The following ZNF469 variants were observed in gnomAD, a reference collection of about 807,000 sequenced individuals.
The protein encoded by ZNF469 is zinc finger protein 469.
ZNF469 carries 1 observed loss-of-function variant against 1.0 expected under a neutral mutation model. That is an observed-to-expected ratio of 1.00 (90% CI 0.35 to 4.73). The LOEUF is 4.73. ZNF469 is among the 30% of genes most tolerant of loss of function. The probability of loss-of-function intolerance (pLI) is 0.16; values close to 1 mark genes in which losing one functional copy is unlikely to be tolerated. For synonymous variants in ZNF469, 2,703 were observed against 2,363.4 expected, an observed-to-expected ratio of 1.14 and a Z score of -4.17; for missense variants, 6,100 against 5,356.3, an observed-to-expected ratio of 1.14 and a Z score of -4.33.
chr16:88,390,315 G>T (rs1904452095), intron 1 of ZNF469, among the ~76,000 whole-genome samples: 1 of 152,198 alleles, frequency 6.6e-6, no homozygotes, highest in African/African-American at 2.4e-5. Context: ...CCAACTGGCA[G>T]GGGCCCCATG....
the ZNF469 span, among the ~76,000 whole-genome samples, chr16:88,274,485 T>C: frequency 7.9e-5 from 12 of 152,272 alleles, no homozygotes; most frequent in Admixed American, 7.8e-4. Context: ...CACATGCTTC[T>C]GGTGTGACCG....
the ZNF469 span, among the ~76,000 whole-genome samples, chr16:88,247,274 TGAGTAAATGAGTGAGC>T: frequency 4.0e-5 from 6 of 149,718 alleles, no homozygotes; most frequent in Non-Finnish European, 8.9e-5. Flanking sequence ...AAAGAGTGAG[TGAGTAAATGAGTGAGC>T]GAGTGAATGA....
chr16:88,156,851 C>T, the ZNF469 span, among the ~76,000 whole-genome samples: 1 of 151,974 alleles, frequency 6.6e-6, no homozygotes, highest in Non-Finnish European at 1.5e-5. Flanking sequence ...GCCATGCCAA[C>T]AACAGCCTGG....
chr16:88,365,020 A>G, the ZNF469 span, among the ~76,000 whole-genome samples: 1 of 152,236 alleles, frequency 6.6e-6, no homozygotes, highest in East Asian at 1.9e-4. Context: ...TCATGAGTTT[A>G]TTCCTGGATA....
Position 88,431,369 on chromosome 16 carries a change from G to A in ZNF469, c.3899G>A (p.Ser1300Asn). 1.3e-6 allele frequency: 2 copies of A among 1,549,934 alleles called. No homozygotes were observed. The highest frequency in any genetic ancestry group is 2.0e-5 in the Admixed American group (1 of 51,012). The change falls in exon 3 of 3, where the codon AGC (serine) becomes AAC (asparagine). Residue 1300 changes from serine (S) to asparagine (N), a missense_variant. Physicochemically the swap from Ser to Asn is conservative, Grantham distance 46 (BLOSUM62 1). Transcript: ENST00000565624. ...HGSSPTPGVG[S>N]LLGGPGGTQA... ...AGCTCGCCAACGCCAGGTGTGGGCA[G>A]CCTGCTGGGTGGTCCTGGGGGCACA...
intron 1 of ZNF469, among the ~76,000 whole-genome samples, chr16:88,403,337 C>T (rs745900191): frequency 6.6e-6 from 1 of 152,260 alleles, no homozygotes; most frequent in Admixed American, 6.5e-5. Context: ...ATGTTAAAAT[C>T]CTCTGCGTGG....
the ZNF469 span, among the ~76,000 whole-genome samples, chr16:88,241,036 C>A: frequency 1.3e-5 from 2 of 152,148 alleles, no homozygotes; most frequent in Non-Finnish European, 2.9e-5. The surrounding 1 kb of genome is among the most constrained non-coding windows in gnomAD (Gnocchi z 4.8). Context: ...AGGGCTCTGC[C>A]ATTGTCCCTG....
chr16:88,247,522 GAATGAGTGAGTGAGT>G, the ZNF469 span, among the ~76,000 whole-genome samples: 2 of 151,956 alleles, frequency 1.3e-5, no homozygotes, highest in African/African-American at 2.4e-5. Context: ...GTGAGTGAGT[GAATGAGTGAGTGAGT>G]GAATGAGTGA....
In ZNF469 at chr16:88,437,294, C is replaced by A. The variant is rs1170249728; in HGVS notation, c.9824C>A (p.Ala3275Glu). The A allele has an allele frequency of 1.9e-6, 3 of 1,547,640 alleles. No individual in the cohort carries two copies. The highest frequency in any genetic ancestry group is 2.6e-6 in the Non-Finnish European group (3 of 1,145,452). ...DSPGERAKPRARSTPSNPDGA... is the reference protein window; with the variant it reads ...DSPGERAKPRERSTPSNPDGA... ...CCGGGCGAGAGGGCGAAACCCCGGG[C>A]ACGCAGCACCCCCAGCAACCCAGAC... The change falls in exon 3 of 3, where the codon GCA becomes GAA. Residue 3275 changes from alanine to glutamate, a missense_variant. By Grantham distance (107) the Ala-to-Glu change is moderately radical. Coordinates refer to ENST00000565624, the MANE Select transcript of ZNF469 (RefSeq NM_001367624.2).
In ZNF469 at chr16:88,437,007, G is replaced by A; in HGVS notation, c.9537G>A (p.Met3179Ile). The stretch of plus-strand genomic sequence containing the variant: ...AGGCCGGGCCCTGGGCGTGCGGCAT[G>A]TGCCTGAAGGAGGTGGCCGACGTCT... Reference protein sequence around the residue: ...QSKAGPWACGMCLKEVADVWM... With the variant: ...QSKAGPWACGICLKEVADVWM... The change falls in exon 3 of 3, where the codon ATG becomes ATA. Residue 3179 changes from methionine to isoleucine, a missense_variant. Transcript: ENST00000565624. The A allele has an allele frequency of 6.6e-7, 1 of 1,524,302 alleles. No homozygotes were observed. Among genetic ancestry groups the A allele is most frequent in the Non-Finnish European group, 8.8e-7 (1 of 1,137,990 alleles). The allele number at this position is 1,524,302 out of a possible 1,614,324, so 94.4% of individuals were successfully genotyped here. A position where few individuals can be genotyped will look rare whatever the true frequency, so the allele number is the denominator to read the frequency against.
At position 88,424,046 on chromosome 16, in the gene ZNF469, G is replaced by A. The variant is rs185898397; in HGVS notation, c.-191-761G>A. On this transcript the variant is annotated intron_variant, in intron 1 of 2. Coordinates refer to ENST00000565624, the MANE Select transcript of ZNF469 (RefSeq NM_001367624.2). This position sits in a 1 kb window ranked among gnomAD's most constrained non-coding sequence, Gnocchi z 4.3. ...GGACAATCTCCTTCCAAAGTCAAAC[G>A]CAGGTGCCCTTTGACGCAGCTAGGC... is the stretch of plus-strand genomic sequence containing the variant. Among the ~76,000 whole-genome samples, 209 of 152,348 alleles carry A rather than the reference G, an allele frequency of 1.4e-3. 1 individual carries two copies. Among genetic ancestry groups the A allele is most frequent in the Admixed American group, 6.1e-3 (93 of 15,310 alleles).
At chr16:88,368,488 G>C in the ZNF469 span, among the ~76,000 whole-genome samples, 1 of 152,216 alleles carries the variant, frequency 6.6e-6, no homozygotes. Context: ...GCAGAGCTTG[G>C]TCATTGGCTG....
the ZNF469 span, among the ~76,000 whole-genome samples, chr16:88,125,774 A>G: frequency 4.1e-4 from 62 of 152,350 alleles, no homozygotes; most frequent in African/African-American, 1.4e-3. Context: ...ATTTTTTTGC[A>G]AATGGTATTT....
rs1906626370 is a variant in ZNF469 at position 88,436,943 on chromosome 16, T to C, written c.9473T>C (p.Leu3158Pro). Reference sequence around the variant, plus strand: ...GAGCGCAGGTTTGGCTCGCGGGAGCTGCTGCGGGGGCACCTGCAGGAGAGG... The same window carrying C: ...GAGCGCAGGTTTGGCTCGCGGGAGCCGCTGCGGGGGCACCTGCAGGAGAGG... ...CVERRFGSRE[L>P]LRGHLQERHA... is the part of the protein sequence containing the mutation. Residue 3158 changes from leucine (L) to proline (P), a missense_variant, in exon 3 of 3, where the codon CTG (leucine) becomes CCG (proline). By Grantham distance (98) the Leu-to-Pro change is moderately conservative. Coordinates refer to ENST00000565624, the MANE Select transcript of ZNF469 (RefSeq NM_001367624.2). 7 of 1,492,722 alleles carry C rather than the reference T, an allele frequency of 4.7e-6. No homozygotes were observed. The highest frequency in any genetic ancestry group is 6.2e-6 in the Non-Finnish European group (7 of 1,122,572). 92.5% of individuals were successfully genotyped at this position (1,492,722 alleles called of 1,614,324 possible).
chr16:88,119,982 G>T, the ZNF469 span, among the ~76,000 whole-genome samples: 2 of 152,206 alleles, frequency 1.3e-5, no homozygotes, highest in South Asian at 4.1e-4. Context: ...GCCGCCGTGC[G>T]TGCTGTGAGG....
the ZNF469 span, among the ~76,000 whole-genome samples, chr16:88,153,604 G>A: frequency 8.5e-5 from 13 of 152,104 alleles, no homozygotes; most frequent in Middle Eastern, 3.2e-3. Context: ...CAGCAGGGTC[G>A]CTGACTGTGG....
At chr16:88,347,623 C>T in the ZNF469 span, among the ~76,000 whole-genome samples, 1 of 152,224 alleles carries the variant, frequency 6.6e-6, no homozygotes, top group Non-Finnish European at 1.5e-5. Flanking sequence ...CCCCAGGAAA[C>T]CCATCTGCCC....
chr16:88,262,276 G>T, the ZNF469 span, among the ~76,000 whole-genome samples: 1 of 152,198 alleles, frequency 6.6e-6, no homozygotes, highest in Non-Finnish European at 1.5e-5. The surrounding 1 kb of genome is among the most constrained non-coding windows in gnomAD (Gnocchi z 4.3). Flanking sequence ...AGAAGAACTG[G>T]ACATACTCCA....
At chr16:88,143,729 C>T in the ZNF469 span, among the ~76,000 whole-genome samples, 3 of 152,220 alleles carry the variant, frequency 2.0e-5, no homozygotes, top group Non-Finnish European at 2.9e-5. Context: ...ATTAAGGGAA[C>T]GTTGTGAACA....
Sources: allele counts gnomAD v4.1 joint callset (sites outside exome capture counted in the v4.1 genomes callset), GRCh38; gene constraint gnomAD v4.1.1; non-coding constraint Gnocchi (gnomAD v3.1); transcripts MANE v1.5; gene names NCBI Gene and HGNC (gene_info 2026-07-23, HGNC 2026-07-21).